MAP3K7CL: variants seen among roughly 807,000 people sequenced by gnomAD.
The protein encoded by MAP3K7CL is MAP3K7 C-terminal like, also known as MAP3K7 C-terminal-like protein.
In MAP3K7CL, 16 loss-of-function variants were observed where a neutral mutation model predicts 18.6. The observed-to-expected ratio is 0.86, with a 90% CI of 0.58 to 1.31. The LOEUF is 1.31. MAP3K7CL is among the 50% of genes most tolerant of loss of function. The pLI, the probability that MAP3K7CL is intolerant of heterozygous loss-of-function variation, is 0.00. For missense variants in MAP3K7CL, 163 were observed against 174.4 expected (o/e 0.93, Z 0.37); for synonymous variants, 65 against 66.8 (o/e 0.97, Z 0.13).
At chr21:29,147,560 TTGTATA>T (rs889727069) in intron 2 of MAP3K7CL, among the ~76,000 whole-genome samples, 2 of 151,892 alleles carry the variant, frequency 1.3e-5, no homozygotes, top group African/African-American at 4.8e-5. Context: ...TGTATCTGTA[TTGTATA>T]TGTATGTGTA....
At chr21:29,162,069 T>C (rs2087562114) in intron 4 of MAP3K7CL, among the ~76,000 whole-genome samples, 1 of 152,176 alleles carries the variant, frequency 6.6e-6, no homozygotes, top group East Asian at 1.9e-4. Context: ...GATTGCATGA[T>C]TACACACAGT....
At chr21:29,128,786 A>G (rs1356730624), upstream of MAP3K7CL, among the ~76,000 whole-genome samples, 1 of 152,236 alleles carries the variant, frequency 6.6e-6, no homozygotes, top group Non-Finnish European at 1.5e-5. Context: ...ACTGACAAAG[A>G]CTATTGTATA....
chr21:29,106,807 C>G (rs1410668874), intron 4 of MAP3K7CL, among the ~76,000 whole-genome samples: 1 of 152,180 alleles, frequency 6.6e-6, no homozygotes, highest in Non-Finnish European at 1.5e-5. Context: ...GCTGTTGGAG[C>G]AGGCCTCTGC....
At chr21:29,166,658 A>G (rs934218099) in intron 4 of MAP3K7CL, among the ~76,000 whole-genome samples, 5 of 152,200 alleles carry the variant, frequency 3.3e-5, no homozygotes, top group Non-Finnish European at 7.3e-5. Flanking sequence ...ATCATATAAT[A>G]TGTAATCTTT....
chr21:29,133,307 T>A lies in MAP3K7CL; in HGVS notation c.-38T>A. ...AATGGCTCTCTCTTGCTGTCACAGC[T>A]GGAAGACCCAGGAGAAGGCGGAGGC... On this transcript the variant is annotated splice_region_variant and 5_prime_UTR_variant, in exon 2 of 5. Transcript: ENST00000399928. 1 of 1,549,888 alleles carries A rather than the reference T, an allele frequency of 6.5e-7. No homozygotes were observed.
At chr21:29,102,025 C>T (rs531548371) in intron 4 of MAP3K7CL, among the ~76,000 whole-genome samples, 6 of 152,170 alleles carry the variant, frequency 3.9e-5, no homozygotes, top group Non-Finnish European at 8.8e-5. Flanking sequence ...GTGGATGTCA[C>T]AGTCAGGATC....
At chr21:29,077,376 T>A (rs1187349972), upstream of MAP3K7CL, 2 of 153,530 alleles carry the variant, frequency 1.3e-5, no homozygotes, top group East Asian at 3.8e-4. Flanking sequence ...GCCCCTCAAC[T>A]GCCCGGGGCC....
intron 4 of MAP3K7CL, among the ~76,000 whole-genome samples, chr21:29,114,987 C>T (rs2086481291): frequency 6.6e-6 from 1 of 152,176 alleles, no homozygotes; most frequent in African/African-American, 2.4e-5. Context: ...GAAATCTTGA[C>T]TGTTTTCTTT....
Position 29,130,855 on chromosome 21 carries a change from A to G in MAP3K7CL, c.-108A>G, listed in dbSNP as rs1411692702. 1 of 985,434 alleles carries G rather than the reference A, an allele frequency of 1.0e-6. No homozygotes were observed. Among genetic ancestry groups the G allele is most frequent in the Non-Finnish European group, 1.2e-6 (1 of 830,028 alleles). 61.0% of individuals were successfully genotyped at this position (985,434 alleles called of 1,614,324 possible). A position where few individuals can be genotyped will look rare whatever the true frequency, so the allele number is the denominator to read the frequency against. On this transcript the variant is annotated 5_prime_UTR_variant, in exon 1 of 5. Coordinates refer to ENST00000399928, the MANE Select transcript of MAP3K7CL (RefSeq NM_001286620.2). ...GTCTCTCACTGAGTCTCTACTCCACAAAGGCAACGACTGGCCAAGGCAGTG... is the reference window on the plus strand; with the variant it reads ...GTCTCTCACTGAGTCTCTACTCCACGAAGGCAACGACTGGCCAAGGCAGTG...
chr21:29,092,829 C>G (rs976486282), intron 4 of MAP3K7CL, among the ~76,000 whole-genome samples: 1 of 152,168 alleles, frequency 6.6e-6, no homozygotes, highest in Non-Finnish European at 1.5e-5. Flanking sequence ...TGAGTTTGTT[C>G]GACTGTGCTG....
intron 4 of MAP3K7CL, among the ~76,000 whole-genome samples, chr21:29,120,451 A>G (rs965079137): frequency 2.0e-5 from 3 of 152,174 alleles, no homozygotes; most frequent in Non-Finnish European, 2.9e-5. Context: ...TAGTTCCTCT[A>G]TAAAGCAGGA....
intron 4 of MAP3K7CL, among the ~76,000 whole-genome samples, chr21:29,100,857 T>C (rs4599209): frequency 0.57 from 85,537 of 150,964 alleles, 24,600 homozygotes; most frequent in African/African-American, 0.67. Context: ...GGACTACAGG[T>C]GCCCGCCACC....
At chr21:29,150,132 G>A (rs1215160424) in intron 3 of MAP3K7CL, among the ~76,000 whole-genome samples, 1 of 152,200 alleles carries the variant, frequency 6.6e-6, no homozygotes, top group Non-Finnish European at 1.5e-5. Context: ...ACACACAGCA[G>A]CTTTTCCCAT....
chr21:29,094,720 G>C (rs951259684), intron 4 of MAP3K7CL, among the ~76,000 whole-genome samples: 1 of 152,124 alleles, frequency 6.6e-6, no homozygotes, highest in Non-Finnish European at 1.5e-5. Context: ...TACCAGACTC[G>C]GTGCACAGCC....
At chr21:29,129,587 C>G (rs775763770), upstream of MAP3K7CL, among the ~76,000 whole-genome samples, 3 of 152,182 alleles carry the variant, frequency 2.0e-5, no homozygotes, top group Non-Finnish European at 2.9e-5. Context: ...TATTGAAGAA[C>G]TTGGTTGCTT....
rs1391734555 is a variant in MAP3K7CL, at chr21:29,159,940, G to T, written c.133-1G>T. On this transcript the variant is annotated splice_acceptor_variant, in intron 3 of 4. Transcript: ENST00000399928. LOFTEE classifies it high-confidence loss of function. ...CTAATTTCTTCTTGTTGTTTGTGAAGCCCCTGCCGCCTTGTCATGACTCCG... is the reference window on the plus strand; with the variant it reads ...CTAATTTCTTCTTGTTGTTTGTGAATCCCCTGCCGCCTTGTCATGACTCCG... The T allele has an allele frequency of 5.0e-6, 8 of 1,611,264 alleles. No homozygotes were observed.
chr21:29,091,166 T>C (rs1568929082), intron 1 of MAP3K7CL, among the ~76,000 whole-genome samples: 1 of 152,180 alleles, frequency 6.6e-6, no homozygotes, highest in African/African-American at 2.4e-5. Flanking sequence ...TCTATATACA[T>C]TCCTTTTTCA....
intron 4 of MAP3K7CL, among the ~76,000 whole-genome samples, chr21:29,104,490 G>A (rs1362262741): frequency 6.6e-6 from 1 of 152,144 alleles, no homozygotes; most frequent in Non-Finnish European, 1.5e-5. Context: ...AATCCCCCAC[G>A]TGGAGGCAAG....
exon 1 of MAP3K7CL, chr21:29,085,866 T>A: frequency 6.2e-7 from 1 of 1,614,168 alleles, no homozygotes; most frequent in South Asian, 1.1e-5. Flanking sequence ...ACTAGATGGT[T>A]CAGCTGATTG....
Sources: gnomAD v4.1 joint callset for allele counts (sites outside exome capture counted in the v4.1 genomes callset) on GRCh38, gnomAD v4.1.1 for gene constraint, MANE v1.5 for transcripts, NCBI Gene and HGNC (gene_info 2026-07-23, HGNC 2026-07-21) for gene names.